Variants in NINL observed in about 807,000 individuals in gnomAD.
NINL encodes the protein ninein like, also known as ninein-like protein.
A neutral mutation model predicts 160.3 loss-of-function variants in NINL; 153 were observed. That is an observed-to-expected ratio of 0.95 (90% CI 0.84 to 1.09). The LOEUF is 1.09. Ranked by LOEUF, NINL falls within the 50% of genes least tolerant of loss-of-function variation. The pLI, the probability that NINL is intolerant of heterozygous loss-of-function variation, is 0.00. For missense variants in NINL, 1,829 were observed against 1,764.0 expected (o/e 1.04, Z -0.66); for synonymous variants, 800 against 734.8 (o/e 1.09, Z -1.43).
chr20:25,518,689 A>C (rs1458930697), intron 2 of NINL, among the ~76,000 whole-genome samples: 1 of 152,108 alleles, frequency 6.6e-6, no homozygotes, highest in African/African-American at 2.4e-5. Context: ...GATTTACTGG[A>C]TTTAAACTGA....
chr20:25,572,967 G>A (rs928696765), intron 1 of NINL, among the ~76,000 whole-genome samples: 2 of 152,070 alleles, frequency 1.3e-5, no homozygotes, highest in Non-Finnish European at 2.9e-5. Context: ...CCAGAACCTG[G>A]GTGTAACCTT....
chr20:25,463,962 T>A lies in NINL; in HGVS notation c.3424-1421A>T, dbSNP rs545886287. On this transcript the variant is annotated intron_variant, in intron 19 of 23. Coordinates refer to ENST00000278886, the MANE Select transcript of NINL (RefSeq NM_025176.6). The stretch of plus-strand genomic sequence containing the variant: ...TATGGTATAGAGCTCATGTGTTTTA[T>A]GACATTTTATTGTGAAAATTAGAAT... 9.8e-5 allele frequency among the ~76,000 whole-genome samples: 15 copies of A among 152,344 alleles called. No homozygotes were observed. The South Asian group carries it at 1.9e-3, about 19-fold the overall frequency.
chr20:25,581,073 T>A (rs2147209251), intron 1 of NINL, among the ~76,000 whole-genome samples: 1 of 152,254 alleles, frequency 6.6e-6, no homozygotes, highest in Middle Eastern at 3.4e-3. Flanking sequence ...TGCTCCTGTT[T>A]TTGCTTCCTG....
chr20:25,503,342 T>G (rs1431007414), intron 7 of NINL, among the ~76,000 whole-genome samples: 2 of 136,814 alleles, frequency 1.5e-5, no homozygotes, highest in Non-Finnish European at 3.1e-5. Flanking sequence ...TGAGCAGCCA[T>G]GTTCCTCACC....
intron 18 of NINL, among the ~76,000 whole-genome samples, chr20:25,468,890 A>C (rs1338677363): frequency 7.3e-5 from 6 of 82,280 alleles, no homozygotes; most frequent in African/African-American, 1.1e-4. Flanking sequence ...TGGGTGCCCC[A>C]CTGTCCTGTC....
Position 25,476,719 on chromosome 20 carries a change from G to C in NINL, c.2572C>G (p.Leu858Val), listed in dbSNP as rs767983846. The change falls in exon 17 of 24, where the codon CTG becomes GTG. Residue 858 changes from leucine (L) to valine (V), a missense_variant. Coordinates refer to ENST00000278886, the MANE Select transcript of NINL (RefSeq NM_025176.6). ...CCATCACCTGGGGCCAGCCAGGCCAGTGGCCGCTCCCCACAGCCCGGACGC... is the reference window on the plus strand; with the variant it reads ...CCATCACCTGGGGCCAGCCAGGCCACTGGCCGCTCCCCACAGCCCGGACGC... ...PLRPGCGERPLAWLAPGDGRE... is the reference protein window; with the variant it reads ...PLRPGCGERPVAWLAPGDGRE... 1.2e-6 allele frequency: 2 copies of C among 1,601,522 alleles called. No homozygotes were observed. The highest frequency in any genetic ancestry group is 1.7e-6 in the Non-Finnish European group (2 of 1,177,870).
intron 17 of NINL, among the ~76,000 whole-genome samples, chr20:25,472,325 ATAT>A (rs2063116731): frequency 4.2e-4 from 2 of 4,728 alleles, no homozygotes; most frequent in African/African-American, 2.6e-3. Flanking sequence ...GGAGGAGAGG[ATAT>A]ATATATATAT....
intron 2 of NINL, among the ~76,000 whole-genome samples, chr20:25,525,053 A>G (rs2064333112): frequency 6.6e-6 from 1 of 152,086 alleles, no homozygotes; most frequent in South Asian, 2.1e-4. Flanking sequence ...CTTCCAGGTG[A>G]TATCAAGAGA....
At chr20:25,528,249 G>A (rs1172987214) in intron 1 of NINL, among the ~76,000 whole-genome samples, 4 of 152,084 alleles carry the variant, frequency 2.6e-5, no homozygotes, top group Non-Finnish European at 5.9e-5. Flanking sequence ...TACCCAGGCT[G>A]GTCTCAAACT....
chr20:25,504,297 A>G (rs1258121956), intron 6 of NINL, among the ~76,000 whole-genome samples, 193 bp from the exon 7 acceptor site: 1 of 152,152 alleles, frequency 6.6e-6, no homozygotes, highest in Non-Finnish European at 1.5e-5. Context: ...TCTATCTTGT[A>G]AAACCCACAG....
chr20:25,490,521 C>CT (rs1441639536), intron 11 of NINL, among the ~76,000 whole-genome samples: 1 of 145,486 alleles, frequency 6.9e-6, no homozygotes, highest in Non-Finnish European at 1.5e-5. Flanking sequence ...GATCATGCCA[C>CT]TGCACTCTAG....
chr20:25,460,818 G>A (rs2062766099), intron 21 of NINL, among the ~76,000 whole-genome samples: 1 of 152,194 alleles, frequency 6.6e-6, no homozygotes, highest in Non-Finnish European at 1.5e-5. Context: ...GGCAGGTGGG[G>A]AGAGACCCTT....
chr20:25,554,139 G>A (rs1179155355), intron 1 of NINL, among the ~76,000 whole-genome samples: 1 of 152,210 alleles, frequency 6.6e-6, no homozygotes, highest in African/African-American at 2.4e-5. Flanking sequence ...GCCCAGGCAA[G>A]GAAGGGCAGC....
chr20:25,552,338 A>G (rs1335957413), intron 1 of NINL, among the ~76,000 whole-genome samples: 4 of 152,158 alleles, frequency 2.6e-5, no homozygotes, highest in Non-Finnish European at 5.9e-5. Context: ...GTTCAAGACT[A>G]GCCTGAGCAG....
chr20:25,556,801 A>G (rs916426610), intron 1 of NINL, among the ~76,000 whole-genome samples: 1 of 152,172 alleles, frequency 6.6e-6, no homozygotes, highest in Non-Finnish European at 1.5e-5. Flanking sequence ...TGTATCATGC[A>G]TGGATACATA....
At chr20:25,468,430 CCTGA>C (rs1391561020) in intron 18 of NINL, among the ~76,000 whole-genome samples, 4 of 150,892 alleles carry the variant, frequency 2.7e-5, no homozygotes, top group East Asian at 3.9e-4. Context: ...TGTCCTGTCC[CCTGA>C]CTCTCACTGG....
At chr20:25,482,134 G>A (rs772276428) in intron 13 of NINL, 34 bp from the exon 14 acceptor site, 81 of 1,578,240 alleles carry the variant, frequency 5.1e-5, no homozygotes, top group Admixed American at 3.0e-4. Flanking sequence ...TCCTCTAGCA[G>A]CTGCAGCCAT....
At position 25,511,665 on chromosome 20, in the gene NINL, T is replaced by C. The variant is rs543414912; in HGVS notation, c.451-925A>G. 3.3e-5 allele frequency among the ~76,000 whole-genome samples: 5 copies of C among 152,234 alleles called. No homozygotes were observed. In the East Asian group the frequency reaches 7.7e-4, roughly 23 times the overall value. The stretch of plus-strand genomic sequence containing the variant: ...GATTTAAGAAGCAGAATGGCACCAA[T>C]GAAGATCCACCACAAGGAGGAGATT... On this transcript the variant is annotated intron_variant, in intron 4 of 23. Coordinates refer to ENST00000278886, the MANE Select transcript of NINL (RefSeq NM_025176.6).
chr20:25,569,383 G>A (rs1031623507), intron 1 of NINL, among the ~76,000 whole-genome samples: 10 of 152,120 alleles, frequency 6.6e-5, no homozygotes, highest in Admixed American at 5.2e-4. Context: ...GAGTTTATAC[G>A]TGTTTTTATT....
Sources: gnomAD v4.1 joint callset for allele counts (sites outside exome capture counted in the v4.1 genomes callset) on GRCh38, gnomAD v4.1.1 for gene constraint, MANE v1.5 for transcripts, NCBI Gene and HGNC (gene_info 2026-07-23, HGNC 2026-07-21) for gene names.